NACC2: variants seen among roughly 807,000 people sequenced by gnomAD.
NACC2 encodes NACC family member 2, also known as nucleus accumbens-associated protein 2.
NACC2 carries 8 observed loss-of-function variants against 25.1 expected under a neutral mutation model. The ratio of observed to expected loss-of-function variants is 0.32; its 90% CI spans 0.19 to 0.57. NACC2 has a LOEUF of 0.57. Among genes scored for constraint, NACC2 ranks in the 20% least tolerant of loss-of-function variants. NACC2 has a pLI of 0.89. For missense variants in NACC2, 644 were observed against 650.2 expected (o/e 0.99, Z 0.10); for synonymous variants, 435 against 294.7 (o/e 1.48, Z -4.88).
chr9:136,019,800 G>A lies in NACC2; in HGVS notation c.887-3371C>T, dbSNP rs538473162. ...CTTCAGGGACCCAGAAGGAGCCCCC[G>A]CCGTACCTTCCAGGCCCTTCTGCTC... On this transcript the variant is annotated intron_variant, in intron 2 of 5. Transcript: ENST00000277554. The surrounding 1 kb of genome is among the most constrained non-coding windows in gnomAD (Gnocchi z 5.2). Among the ~76,000 whole-genome samples the A allele has an allele frequency of 4.6e-5, 7 of 152,242 alleles. No homozygotes were observed. The highest frequency in any genetic ancestry group is 4.4e-5 in the Non-Finnish European group (3 of 68,024).
intron 2 of NACC2, among the ~76,000 whole-genome samples, chr9:136,024,228 AGGGTGTGTGT>A (rs1840344473): frequency 5.3e-5 from 1 of 18,812 alleles, no homozygotes; most frequent in Non-Finnish European, 1.1e-4. Context: ...GTGAGGACAG[AGGGTGTGTGT>A]GAGGACAGAG....
intron 1 of NACC2, among the ~76,000 whole-genome samples, chr9:136,091,233 T>C (rs1452482335): frequency 6.6e-6 from 1 of 151,736 alleles, no homozygotes; most frequent in Non-Finnish European, 1.5e-5. Context: ...CCAGCCGGCA[T>C]GAAGGCAGAA....
chr9:136,038,307 C>T (rs960576787), intron 2 of NACC2, among the ~76,000 whole-genome samples: 1 of 152,014 alleles, frequency 6.6e-6, no homozygotes, highest in Non-Finnish European at 1.5e-5. Context: ...AGGCCAAGGC[C>T]GGTGGATTGC....
intron 1 of NACC2, among the ~76,000 whole-genome samples, chr9:136,054,973 C>G (rs981973586): frequency 6.6e-6 from 1 of 152,134 alleles, no homozygotes; most frequent in African/African-American, 2.4e-5. Context: ...CGGTGCCCCA[C>G]CCCACACAGA....
chr9:136,044,737 G>A (rs1795113195), intron 2 of NACC2, among the ~76,000 whole-genome samples: 1 of 152,260 alleles, frequency 6.6e-6, no homozygotes, highest in Non-Finnish European at 1.5e-5. Flanking sequence ...TTGAGCTGCT[G>A]GTGGGAGCGG....
At chr9:136,028,777 T>C (rs748509864) in intron 2 of NACC2, among the ~76,000 whole-genome samples, 48 of 152,330 alleles carry the variant, frequency 3.2e-4, no homozygotes, top group Middle Eastern at 3.4e-3. Flanking sequence ...GGCTCAGAAG[T>C]GCCTGCTCCT....
At chr9:136,078,729 C>G (rs541860812) in intron 1 of NACC2, among the ~76,000 whole-genome samples, 2 of 152,358 alleles carry the variant, frequency 1.3e-5, no homozygotes, top group African/African-American at 4.8e-5. Context: ...CTGAGCAAAG[C>G]GAGCCCCTCA....
intron 1 of NACC2, among the ~76,000 whole-genome samples, chr9:136,081,589 C>A (rs1401559543): frequency 3.9e-5 from 6 of 152,254 alleles, no homozygotes; most frequent in African/African-American, 1.4e-4. Context: ...GGCCTCTCAG[C>A]TGCTGGGTTT....
At chr9:136,092,325 G>A (rs893665238) in intron 1 of NACC2, among the ~76,000 whole-genome samples, 5 of 151,148 alleles carry the variant, frequency 3.3e-5, no homozygotes, top group Admixed American at 2.6e-4. Context: ...GCCCCAGTGA[G>A]CCAGCTCTAC....
intron 2 of NACC2, among the ~76,000 whole-genome samples, chr9:136,035,207 G>T (rs1840533351): frequency 6.6e-6 from 1 of 152,080 alleles, no homozygotes; most frequent in Non-Finnish European, 1.5e-5. Flanking sequence ...GGACAGGCAG[G>T]ATATTTACAC....
intron 1 of NACC2, among the ~76,000 whole-genome samples, chr9:136,057,921 C>A (rs1195729017): frequency 6.6e-6 from 1 of 152,170 alleles, no homozygotes; most frequent in African/African-American, 2.4e-5. Flanking sequence ...GGTCACCCAG[C>A]CCATTAGAGA....
In NACC2 at chr9:136,056,383, G is replaced by A. The variant is rs377383622; in HGVS notation, c.-59-5803C>T. Among the ~76,000 whole-genome samples the A allele has an allele frequency of 1.7e-3, 255 of 152,254 alleles. 3 individuals are homozygous for A. The highest frequency in any genetic ancestry group is 5.9e-3 in the African/African-American group (243 of 41,536). ...CACAAAAGCCAGGATGGCGTGTGCC[G>A]TGTGCTCACCTCCCCGCTACTGGAC... On this transcript the variant is annotated intron_variant, in intron 1 of 5. Transcript: ENST00000277554.
intron 1 of NACC2, among the ~76,000 whole-genome samples, chr9:136,081,484 C>G (rs139782132): frequency 6.6e-6 from 1 of 152,252 alleles, no homozygotes; most frequent in Non-Finnish European, 1.5e-5. Flanking sequence ...AAGGCGGTGC[C>G]GGGCGTCCGC....
At chr9:136,089,473 C>T (rs1830413707) in intron 1 of NACC2, among the ~76,000 whole-genome samples, 1 of 152,024 alleles carries the variant, frequency 6.6e-6, no homozygotes, top group Non-Finnish European at 1.5e-5. Flanking sequence ...CCTGAGCCTC[C>T]ATGTCACCCC....
rs1025671900 is a variant in NACC2 at position 136,016,503 on chromosome 9, T to C, written c.887-74A>G. The C allele has an allele frequency of 2.5e-6, 4 of 1,569,464 alleles. No homozygotes were observed. In the African/African-American group the frequency reaches 5.4e-5, roughly 21 times the overall value. On this transcript the variant is annotated intron_variant, in intron 2 of 5. Coordinates refer to ENST00000277554, the MANE Select transcript of NACC2 (RefSeq NM_144653.5). ...CTGCTCTGTGCCTGCCCGCCTGCCC[T>C]CCATGCTCCCTGGGGCCTGTGTTAG...
At chr9:136,083,404 C>T (rs1300666235) in intron 1 of NACC2, among the ~76,000 whole-genome samples, 1 of 152,154 alleles carries the variant, frequency 6.6e-6, no homozygotes, top group East Asian at 1.9e-4. Context: ...CAGGTGGACA[C>T]TTTGGCCTTC....
At chr9:136,082,264 G>A (rs1004760985) in intron 1 of NACC2, among the ~76,000 whole-genome samples, 1 of 152,202 alleles carries the variant, frequency 6.6e-6, no homozygotes, top group East Asian at 1.9e-4. Flanking sequence ...CTGATGGAAG[G>A]GGGCGGGGAG....
At chr9:136,085,612 C>CTGCCAGG (rs1830371360) in intron 1 of NACC2, among the ~76,000 whole-genome samples, 1 of 152,178 alleles carries the variant, frequency 6.6e-6, no homozygotes, top group African/African-American at 2.4e-5. Context: ...TGGGAGGCGG[C>CTGCCAGG]TGCCAGGGGG....
chr9:136,078,102 C>T (rs764715897), intron 1 of NACC2, among the ~76,000 whole-genome samples: 3 of 152,256 alleles, frequency 2.0e-5, no homozygotes, highest in South Asian at 2.1e-4. Flanking sequence ...CGAGGTTTGC[C>T]GTACTATCTT....
Sources: gnomAD v4.1 joint callset for allele counts (sites outside exome capture counted in the v4.1 genomes callset) on GRCh38, gnomAD v4.1.1 for gene constraint, Gnocchi (gnomAD v3.1) non-coding constraint, MANE v1.5 for transcripts, NCBI Gene and HGNC (gene_info 2026-07-23, HGNC 2026-07-21) for gene names.